Variants in INPP5A observed in about 807,000 individuals in gnomAD.
INPP5A encodes the protein inositol polyphosphate-5-phosphatase A.
A neutral mutation model predicts 65.2 loss-of-function variants in INPP5A; 14 were observed. The observed-to-expected ratio is 0.21, with a 90% CI of 0.14 to 0.34. INPP5A has a LOEUF of 0.34. Among genes scored for constraint, INPP5A ranks in the 10% least tolerant of loss-of-function variants. The pLI is 1.00. For synonymous variants in INPP5A, 207 were observed against 208.3 expected (o/e 0.99, Z 0.05); for missense variants, 431 against 545.6 (o/e 0.79, Z 2.09).
chr10:132,703,732 C>T (rs1364003898), intron 6 of INPP5A, among the ~76,000 whole-genome samples: 3 of 102,754 alleles, frequency 2.9e-5, no homozygotes, highest in South Asian at 8.5e-4. Context: ...CACGGCTTCA[C>T]CTGCACACAC....
At chr10:132,586,814 C>T (rs2071550607) in intron 1 of INPP5A, among the ~76,000 whole-genome samples, 1 of 152,258 alleles carries the variant, frequency 6.6e-6, no homozygotes, top group South Asian at 2.1e-4. Flanking sequence ...AACATGCATG[C>T]ATGTCAGGAG....
rs1465807793 is a variant in INPP5A, at chr10:132,550,031, G to A, written c.75+11860G>A. 1.6e-5 allele frequency among the ~76,000 whole-genome samples: 1 copy of A among 62,054 alleles called. No homozygotes were observed. Among genetic ancestry groups the A allele is most frequent in the Admixed American group, 1.7e-4 (1 of 5,978 alleles). 40.7% of individuals were successfully genotyped at this position (62,054 alleles called of 152,430 possible). A position where few individuals can be genotyped will look rare whatever the true frequency, so the allele number is the denominator to read the frequency against. Reference sequence around the variant, plus strand: ...GGGGTCAGCCTCGAGTTACTAACCGGGCATTAGGGGATGGGGTCAGCCTCG... The same window carrying A: ...GGGGTCAGCCTCGAGTTACTAACCGAGCATTAGGGGATGGGGTCAGCCTCG... On this transcript the variant is annotated intron_variant, in intron 1 of 15. Transcript: ENST00000368594. The surrounding 1 kb of genome is among the most constrained non-coding windows in gnomAD (Gnocchi z 4.2).
intron 12 of INPP5A, among the ~76,000 whole-genome samples, chr10:132,769,866 G>A (rs1846919303): frequency 6.7e-6 from 1 of 149,668 alleles, no homozygotes; most frequent in African/African-American, 2.5e-5. Context: ...GCGGCGATTT[G>A]GACACCCCAG....
rs1845532754 is a variant in INPP5A, at chr10:132,706,016, A to G, written c.475-2297A>G. On this transcript the variant is annotated intron_variant, in intron 6 of 15. Coordinates refer to ENST00000368594, the MANE Select transcript of INPP5A (RefSeq NM_005539.5). The surrounding 1 kb of genome is among the most constrained non-coding windows in gnomAD (Gnocchi z 4.7). ...AAGTGAAAGATAGGGTTCATTAAAAATGTTATTCAACTAAAACAGAAATAA... is the reference window on the plus strand; with the variant it reads ...AAGTGAAAGATAGGGTTCATTAAAAGTGTTATTCAACTAAAACAGAAATAA... 6.6e-6 allele frequency among the ~76,000 whole-genome samples: 1 copy of G among 152,262 alleles called. No individual in the cohort carries two copies. Among genetic ancestry groups the G allele is most frequent in the Admixed American group, 6.5e-5 (1 of 15,292 alleles).
chr10:132,712,565 TGTG>T (rs1238842799), intron 8 of INPP5A, among the ~76,000 whole-genome samples: 1 of 151,136 alleles, frequency 6.6e-6, no homozygotes, highest in African/African-American at 2.4e-5. Context: ...TGAGTGCACT[TGTG>T]TGGCTGCATG....
At chr10:132,708,400 C>T (rs374793547) in intron 7 of INPP5A, 35 bp downstream of exon 7, 126 of 1,593,244 alleles carry the variant, frequency 7.9e-5, no homozygotes, top group Middle Eastern at 1.7e-4. Flanking sequence ...ATTTCCATAA[C>T]GTTTCTTACC....
In INPP5A at chr10:132,727,250, A is replaced by T. The variant is rs1229976194; in HGVS notation, c.732+345A>T. 4.5e-6 allele frequency: 1 copy of T among 223,358 alleles called. No individual in the cohort carries two copies. Among genetic ancestry groups the T allele is most frequent in the East Asian group, 9.8e-5 (1 of 10,204 alleles). 13.8% of individuals were successfully genotyped at this position (223,358 alleles called of 1,614,324 possible). ...AGAGCTGCAGCCTCTGCAGAGTGTC[A>T]GCTCCTTCACACTGTCCAACTTGAT... On this transcript the variant is annotated intron_variant, in intron 9 of 15. Coordinates refer to ENST00000368594, the MANE Select transcript of INPP5A (RefSeq NM_005539.5). This position sits in a 1 kb window ranked among gnomAD's most constrained non-coding sequence, Gnocchi z 6.5.
At chr10:132,769,686 C>T (rs1421466098) in intron 12 of INPP5A, among the ~76,000 whole-genome samples, 3 of 152,136 alleles carry the variant, frequency 2.0e-5, no homozygotes, top group East Asian at 1.9e-4. Context: ...GCAGAGGCGG[C>T]GATGGGCTTT....
chr10:132,691,439 G>T (rs1028315033), intron 5 of INPP5A, among the ~76,000 whole-genome samples: 2 of 152,242 alleles, frequency 1.3e-5, no homozygotes, highest in Admixed American at 6.5e-5. Context: ...CGGAGCGGCC[G>T]GCGAGAGTGG....
intron 5 of INPP5A, among the ~76,000 whole-genome samples, chr10:132,691,810 G>A (rs373940437): frequency 6.6e-6 from 1 of 151,760 alleles, no homozygotes; most frequent in African/African-American, 2.4e-5. Flanking sequence ...CATGGGAGAC[G>A]TGCGGTCGCG....
intron 12 of INPP5A, among the ~76,000 whole-genome samples, chr10:132,775,994 A>G (rs935350900): frequency 1.3e-5 from 2 of 149,156 alleles, no homozygotes; most frequent in African/African-American, 2.5e-5. Context: ...TGCGGATGCA[A>G]TGGACATGTG....
chr10:132,735,276 C>T (rs1846156353), intron 9 of INPP5A, among the ~76,000 whole-genome samples: 1 of 152,202 alleles, frequency 6.6e-6, no homozygotes, highest in Non-Finnish European at 1.5e-5. Flanking sequence ...AGATCTGTGC[C>T]CTCCTCTGGG....
chr10:132,719,722 T>A (rs1845826363), intron 8 of INPP5A, among the ~76,000 whole-genome samples: 2 of 150,484 alleles, frequency 1.3e-5, no homozygotes, highest in Admixed American at 6.6e-5. Context: ...TCTGGGCGCC[T>A]TAGACGGCTG....
At position 132,705,663 on chromosome 10, in the gene INPP5A, C is replaced by T. The variant is rs182011429; in HGVS notation, c.475-2650C>T. Among the ~76,000 whole-genome samples, 2 of 152,302 alleles carry T rather than the reference C, an allele frequency of 1.3e-5. No individual in the cohort carries two copies. Among genetic ancestry groups the T allele is most frequent in the East Asian group, 3.9e-4 (2 of 5,186 alleles). On this transcript the variant is annotated intron_variant, in intron 6 of 15. Transcript: ENST00000368594. This position sits in a 1 kb window ranked among gnomAD's most constrained non-coding sequence, Gnocchi z 4.9. ...AGCCTATTACTTCTTTAAAAGTCTG[C>T]TTACCTGGGGCCCGGGACTTTACAG...
intron 1 of INPP5A, among the ~76,000 whole-genome samples, chr10:132,601,230 C>T (rs2071773275): frequency 6.6e-6 from 1 of 152,164 alleles, no homozygotes; most frequent in Non-Finnish European, 1.5e-5. Flanking sequence ...TTATGGTTTT[C>T]ATTTGCATTT....
chr10:132,542,047 T>A (rs2070912985), intron 1 of INPP5A, among the ~76,000 whole-genome samples: 3 of 152,260 alleles, frequency 2.0e-5, no homozygotes, highest in Admixed American at 2.0e-4. Context: ...TTTGGTTCCT[T>A]CCATTTTTAT....
chr10:132,767,137 C>T (rs2478785), intron 12 of INPP5A, among the ~76,000 whole-genome samples: 97 of 94,474 alleles, frequency 1.0e-3, no homozygotes, highest in African/African-American at 4.2e-3. Flanking sequence ...CTGGAGGATG[C>T]GGCCTCAGGG....
rs200505099 is a variant in INPP5A, at chr10:132,710,429, A to G, written c.620A>G (p.His207Arg). ...TSPSVYSGIRHKALGYVLDRI... is the reference protein window; with the variant it reads ...TSPSVYSGIRRKALGYVLDRI... ...CCTTCCGTGTACTCGGGAATCCGGCACAAGGCACTGGGCTACGTGCTGGAC... is the reference window on the plus strand; with the variant it reads ...CCTTCCGTGTACTCGGGAATCCGGCGCAAGGCACTGGGCTACGTGCTGGAC... The change falls in exon 8 of 16, where the codon CAC becomes CGC. Residue 207 changes from histidine (H) to arginine (R), a missense_variant. Physicochemically the swap from His to Arg is conservative, Grantham distance 29. Transcript: ENST00000368594. The G allele has an allele frequency of 1.2e-6, 2 of 1,613,974 alleles. No individual in the cohort carries two copies. The highest frequency in any genetic ancestry group is 2.2e-5 in the East Asian group (1 of 44,876).
intron 8 of INPP5A, among the ~76,000 whole-genome samples, chr10:132,716,609 C>T (rs78699768): frequency 0.036 from 5,499 of 152,304 alleles, 136 homozygotes; most frequent in Non-Finnish European, 0.052. Flanking sequence ...TCCACTCCCG[C>T]TGGTCCTTTC....
Sources: gnomAD v4.1 joint callset for allele counts (sites outside exome capture counted in the v4.1 genomes callset) on GRCh38, gnomAD v4.1.1 for gene constraint, Gnocchi (gnomAD v3.1) non-coding constraint, MANE v1.5 for transcripts, NCBI Gene and HGNC (gene_info 2026-07-23, HGNC 2026-07-21) for gene names.